MARCHF1: variants seen among roughly 807,000 people sequenced by gnomAD.
MARCHF1 encodes the protein E3 ubiquitin-protein ligase MARCHF1.
Under a neutral mutation model 54.2 loss-of-function variants are expected in MARCHF1, and 40 were observed. The ratio of observed to expected loss-of-function variants is 0.74; its 90% CI spans 0.57 to 0.96. The LOEUF is 0.96. Ranked by LOEUF, MARCHF1 falls within the 40% of genes least tolerant of loss-of-function variation. MARCHF1 has a pLI of 0.00. For missense variants in MARCHF1, 586 were observed against 656.5 expected, an observed-to-expected ratio of 0.89 and a Z score of 1.17; for synonymous variants, 236 against 236.3, an observed-to-expected ratio of 1.00 and a Z score of 0.01.
intron 5 of MARCHF1, among the ~76,000 whole-genome samples, chr4:163,678,346 G>C (rs1033418350): frequency 1.3e-5 from 2 of 152,168 alleles, no homozygotes; most frequent in African/African-American, 2.4e-5. Context: ...TCTGCCTCTT[G>C]CATAGAATTA....
intron 4 of MARCHF1, among the ~76,000 whole-genome samples, chr4:163,802,530 A>C (rs188089978): frequency 6.6e-6 from 1 of 152,264 alleles, no homozygotes; most frequent in Non-Finnish European, 1.5e-5. Flanking sequence ...TTTAATCCTC[A>C]AGCAGCTTTT....
intron 2 of MARCHF1, among the ~76,000 whole-genome samples, chr4:164,107,547 G>C (rs898646150): frequency 6.6e-6 from 1 of 151,946 alleles, no homozygotes; most frequent in Non-Finnish European, 1.5e-5. Flanking sequence ...ATTTTTAGTA[G>C]AAACAGGGTT....
intron 4 of MARCHF1, among the ~76,000 whole-genome samples, chr4:163,832,642 GGTTA>G (rs1270803243): frequency 1.3e-5 from 2 of 150,954 alleles, no homozygotes; most frequent in Non-Finnish European, 3.0e-5. Flanking sequence ...ACAACGTGCA[GGTTA>G]GTTACATATG....
intron 5 of MARCHF1, among the ~76,000 whole-genome samples, chr4:163,645,651 A>G (rs1742725088): frequency 2.6e-5 from 4 of 152,242 alleles, no homozygotes. Context: ...CACAATGAGA[A>G]GTTTAATAAA....
At chr4:163,894,594 A>G (rs1433180128) in intron 3 of MARCHF1, among the ~76,000 whole-genome samples, 1 of 145,886 alleles carries the variant, frequency 6.9e-6, no homozygotes, top group African/African-American at 2.6e-5. Context: ...ATATATATAT[A>G]TGCATGTGAT....
intron 5 of MARCHF1, among the ~76,000 whole-genome samples, chr4:163,655,829 G>A (rs771473720): frequency 3.3e-5 from 5 of 151,904 alleles, no homozygotes; most frequent in Admixed American, 6.6e-5. Context: ...TGAAATTAAG[G>A]CAGAAATCAA....
chr4:164,174,093 A>G (rs111819873), intron 1 of MARCHF1, among the ~76,000 whole-genome samples: 1 of 152,242 alleles, frequency 6.6e-6, no homozygotes, highest in Non-Finnish European at 1.5e-5. Context: ...CTGAATTAAA[A>G]TAAGAAATTT....
intron 1 of MARCHF1, among the ~76,000 whole-genome samples, chr4:164,131,098 C>T (rs1330822388): frequency 6.6e-6 from 1 of 152,028 alleles, no homozygotes. Context: ...CGTATATATC[C>T]TATCATAGAA....
intron 2 of MARCHF1, among the ~76,000 whole-genome samples, chr4:164,043,174 G>A (rs1754164801): frequency 1.3e-5 from 2 of 152,170 alleles, no homozygotes; most frequent in South Asian, 4.1e-4. Flanking sequence ...CCCCAGTAGG[G>A]AGTCTGTATG....
At chr4:163,986,318 G>A (rs530887010) in intron 3 of MARCHF1, among the ~76,000 whole-genome samples, 4 of 125,030 alleles carry the variant, frequency 3.2e-5, no homozygotes, top group Admixed American at 1.0e-4. Flanking sequence ...AGGCTGGAGT[G>A]CAGTGGCGCG....
chr4:164,026,182 C>T (rs1266495317), intron 2 of MARCHF1, among the ~76,000 whole-genome samples: 1 of 152,100 alleles, frequency 6.6e-6, no homozygotes, highest in Non-Finnish European at 1.5e-5. Context: ...ACCAATTCTG[C>T]TGAAACTATT....
At chr4:164,293,609 A>C (rs1734339821) in intron 1 of MARCHF1, among the ~76,000 whole-genome samples, 1 of 152,266 alleles carries the variant, frequency 6.6e-6, no homozygotes, top group South Asian at 2.1e-4. Context: ...TGACTGAGAA[A>C]GTCTGTACTA....
intron 1 of MARCHF1, among the ~76,000 whole-genome samples, chr4:164,187,074 A>G (rs897418035): frequency 1.3e-5 from 2 of 151,882 alleles, no homozygotes; most frequent in African/African-American, 4.8e-5. Context: ...ATCTTGCTCA[A>G]CCCTCAACAT....
intron 2 of MARCHF1, among the ~76,000 whole-genome samples, chr4:164,039,681 A>AT (rs758120394): frequency 1.7e-4 from 26 of 151,848 alleles, no homozygotes; most frequent in Non-Finnish European, 3.4e-4. Context: ...CCACATACAG[A>AT]TAAAAAAAAA....
chr4:163,641,970 G>A lies in MARCHF1; in HGVS notation c.163-28577C>T, dbSNP rs921880704. Among the ~76,000 whole-genome samples, 16 of 152,184 alleles carry A rather than the reference G, an allele frequency of 1.1e-4. 1 individual carries two copies. Among genetic ancestry groups the A allele is most frequent in the African/African-American group, 3.4e-4 (14 of 41,472 alleles). On this transcript the variant is annotated intron_variant, in intron 5 of 9. Coordinates refer to ENST00000514618, the MANE Select transcript of MARCHF1 (RefSeq NM_001394959.1). ...TTCTGTCCACCAGTGGAGACGTTGT[G>A]TTACTATTTTTGTGGACCTCTCACA...
At chr4:164,313,994 CAGA>C (rs1278642532) in intron 1 of MARCHF1, among the ~76,000 whole-genome samples, 1 of 152,212 alleles carries the variant, frequency 6.6e-6, no homozygotes, top group Non-Finnish European at 1.5e-5. Context: ...ATTCAGATGC[CAGA>C]AGGAGTGCTC....
chr4:163,561,804 G>A (rs542255695), intron 8 of MARCHF1, among the ~76,000 whole-genome samples: 10 of 151,994 alleles, frequency 6.6e-5, no homozygotes, highest in Admixed American at 2.6e-4. Flanking sequence ...TTTGCTCATC[G>A]TACTGATGTT....
In MARCHF1 at chr4:163,558,375, A is replaced by G. The variant is rs548269345; in HGVS notation, c.1192-12632T>C. The stretch of plus-strand genomic sequence containing the variant: ...AATGTAAGCTGACCTCTTCTGAGTG[A>G]GGCAGTAGGAAGAGTTTTTCTGTTG... On this transcript the variant is annotated intron_variant, in intron 8 of 9. Coordinates refer to ENST00000514618, the MANE Select transcript of MARCHF1 (RefSeq NM_001394959.1). 2.0e-5 allele frequency among the ~76,000 whole-genome samples: 3 copies of G among 152,316 alleles called. No individual in the cohort carries two copies. The South Asian group carries it at 6.2e-4, about 32-fold the overall frequency.
intron 1 of MARCHF1, among the ~76,000 whole-genome samples, chr4:164,366,734 C>T (rs80277770): frequency 1.3e-5 from 2 of 151,604 alleles, no homozygotes; most frequent in Non-Finnish European, 2.9e-5. Flanking sequence ...TATGTTTCAG[C>T]ATATTAAATT....
Sources: gnomAD v4.1 joint callset for allele counts (sites outside exome capture counted in the v4.1 genomes callset) on GRCh38, gnomAD v4.1.1 for gene constraint, MANE v1.5 for transcripts, NCBI Gene and HGNC (gene_info 2026-07-23, HGNC 2026-07-21) for gene names.